The following LRRK1 variants were observed in gnomAD, a reference collection of about 807,000 sequenced individuals.
LRRK1 encodes the protein leucine rich repeat kinase 1.
In LRRK1, 113 loss-of-function variants were observed where a neutral mutation model predicts 209.1. That is an observed-to-expected ratio of 0.54 (90% CI 0.46 to 0.63). The LOEUF (loss-of-function observed/expected upper bound fraction) is 0.63. LRRK1 is among the 30% of genes least tolerant of loss of function. The pLI, the probability that LRRK1 is intolerant of heterozygous loss-of-function variation, is 0.00. For missense variants in LRRK1, 2,284 were observed against 2,632.2 expected (o/e 0.87, Z 2.89); for synonymous variants, 1,144 against 1,099.7 (o/e 1.04, Z -0.80).
chr15:100,987,723 G>A (rs779055214), intron 4 of LRRK1, among the ~76,000 whole-genome samples: 17 of 152,144 alleles, frequency 1.1e-4, no homozygotes, highest in Non-Finnish European at 1.8e-4. Flanking sequence ...GGAAGAATGA[G>A]TATTATTATT....
rs998158742 is a variant in LRRK1 at position 100,973,845 on chromosome 15, G to A, written c.139G>A (p.Asp47Asn). 2 of 1,294,288 alleles carry A rather than the reference G, an allele frequency of 1.5e-6. No individual in the cohort carries two copies. Among genetic ancestry groups the A allele is most frequent in the East Asian group, 3.1e-5 (1 of 31,960 alleles). The allele number at this position is 1,294,288 out of a possible 1,614,324, so 80.2% of individuals were successfully genotyped here. Reference protein sequence around the residue: ...TGGKPSTRGGDPAARSRRTEG... With the variant: ...TGGKPSTRGGNPAARSRRTEG... ...CGGCAAGCCGTCCACGCGGGGCGGTGACCCTGCAGCGCGGTCCCGCAGGAC... is the reference window on the plus strand; with the variant it reads ...CGGCAAGCCGTCCACGCGGGGCGGTAACCCTGCAGCGCGGTCCCGCAGGAC... Residue 47 changes from aspartate (D) to asparagine (N), a missense_variant, in exon 3 of 34, where the codon GAC becomes AAC. Asp to Asn is a conservative substitution (Grantham distance 23, BLOSUM62 1). Around this residue, in one of 6 missense-constraint regions of LRRK1, gnomAD observed 174 missense variants for 133.5 expected, o/e 1.30. Transcript: ENST00000388948.
intron 3 of LRRK1, among the ~76,000 whole-genome samples, chr15:100,983,096 G>A (rs2031692728): frequency 6.6e-6 from 1 of 152,146 alleles, no homozygotes; most frequent in Non-Finnish European, 1.5e-5. Flanking sequence ...GATCACTTTA[G>A]CCTGGGAGGT....
Position 101,066,182 on chromosome 15 carries a change from C to CA in LRRK1, c.5746dup (p.Arg1916LysfsTer60). 6.2e-7 allele frequency: 1 copy of CA among 1,610,910 alleles called. No homozygotes were observed. Among genetic ancestry groups the CA allele is most frequent in the Non-Finnish European group, 8.5e-7 (1 of 1,178,078 alleles). ...TGCAGGCCGTGAAGATCCTCGCCGT[C>CA]AGAGACCTCATTTGGGTCCCCAGGT... is the stretch of plus-strand genomic sequence containing the variant. On this transcript the variant is annotated frameshift_variant, in exon 32 of 34. Transcript: ENST00000388948. LOFTEE classifies it high-confidence loss of function.
chr15:100,928,344 T>C (rs1191410106), intron 2 of LRRK1, among the ~76,000 whole-genome samples: 1 of 152,196 alleles, frequency 6.6e-6, no homozygotes. Flanking sequence ...CCTCTGCACA[T>C]GTCCCCAGAG....
intron 2 of LRRK1, among the ~76,000 whole-genome samples, chr15:100,941,264 GTCTC>G (rs1350571821): frequency 1.7e-4 from 24 of 143,328 alleles, no homozygotes; most frequent in Non-Finnish European, 2.9e-4. Context: ...GTGTGTCTGT[GTCTC>G]TGTGTGTGTC....
At chr15:101,011,369 A>G (rs937672185) in intron 9 of LRRK1, among the ~76,000 whole-genome samples, 13 of 151,290 alleles carry the variant, frequency 8.6e-5, no homozygotes, top group Non-Finnish European at 1.6e-4. Flanking sequence ...CCAGCTACGC[A>G]GGAGGCTGAG....
At chr15:101,010,321 A>G (rs1245248471) in intron 7 of LRRK1, 129 bp from the exon 8 acceptor site, 2 of 952,538 alleles carry the variant, frequency 2.1e-6, no homozygotes, top group East Asian at 2.5e-5. Context: ...TACATTTTCA[A>G]TGCACACTCT....
At chr15:100,947,921 C>G (rs946454882) in intron 2 of LRRK1, among the ~76,000 whole-genome samples, 10 of 152,218 alleles carry the variant, frequency 6.6e-5, no homozygotes, top group African/African-American at 2.4e-4. Flanking sequence ...TGACCTTTGT[C>G]TGCACAGTGA....
chr15:101,054,873 G>T (rs542195826), intron 26 of LRRK1, 73 bp from the exon 27 acceptor site: 1 of 1,291,298 alleles, frequency 7.7e-7, no homozygotes, highest in East Asian at 2.3e-5. Flanking sequence ...CAAAAAGACA[G>T]TTGTTATCAT....
At chr15:100,935,898 G>A (rs964811690) in intron 2 of LRRK1, among the ~76,000 whole-genome samples, 3 of 152,110 alleles carry the variant, frequency 2.0e-5, no homozygotes, top group South Asian at 4.1e-4. Context: ...CTCATCCACC[G>A]CATGTCTAGC....
In LRRK1 at chr15:101,046,795, A is replaced by AC. The variant is rs573798916; in HGVS notation, c.3135+649dup. 1.1e-4 allele frequency among the ~76,000 whole-genome samples: 17 copies of AC among 152,022 alleles called. No individual in the cohort carries two copies. The South Asian group carries it at 3.1e-3, about 28-fold the overall frequency. ...TACGTTGGTTCTGGTAACACGGGAG[A>AC]CCCCCCGCCCAAGGAGTTAGCTTCT... is the stretch of plus-strand genomic sequence containing the variant. On this transcript the variant is annotated intron_variant, in intron 21 of 33. Transcript: ENST00000388948.
chr15:100,952,591 C>A (rs79710822), intron 2 of LRRK1, among the ~76,000 whole-genome samples: 10,478 of 152,038 alleles, frequency 0.069, 631 homozygotes, highest in African/African-American at 0.16. Flanking sequence ...ATTGATTAGC[C>A]CACTCTTCTT....
intron 20 of LRRK1, among the ~76,000 whole-genome samples, chr15:101,041,690 T>C (rs1227230762): frequency 6.6e-6 from 1 of 152,188 alleles, no homozygotes; most frequent in African/African-American, 2.4e-5. Flanking sequence ...GTCATCCACG[T>C]TTCTTCTATA....
At chr15:100,939,880 GT>G (rs1009359297) in intron 2 of LRRK1, among the ~76,000 whole-genome samples, 2 of 152,062 alleles carry the variant, frequency 1.3e-5, no homozygotes, top group Admixed American at 6.5e-5. Flanking sequence ...TGAAGGTGGG[GT>G]TTTTTTTCCT....
intron 9 of LRRK1, 43 bp downstream of exon 9, chr15:101,010,880 G>A: frequency 6.3e-7 from 1 of 1,579,340 alleles, no homozygotes; most frequent in Non-Finnish European, 8.6e-7. Context: ...AGTCAACTCT[G>A]CCTCTCAGCT....
intron 2 of LRRK1, among the ~76,000 whole-genome samples, chr15:100,973,100 CG>C (rs1216593164): frequency 3.9e-5 from 6 of 152,232 alleles, no homozygotes; most frequent in African/African-American, 1.2e-4. Flanking sequence ...AGCGAGGGCT[CG>C]GCCTGCCGTG....
chr15:100,939,255 A>G (rs1033578788), intron 2 of LRRK1, among the ~76,000 whole-genome samples: 9 of 151,920 alleles, frequency 5.9e-5, no homozygotes, highest in African/African-American at 2.2e-4. Context: ...CTTAATTTCT[A>G]TCTTTCTCCC....
rs770399874 is a variant in LRRK1, at chr15:101,039,132, A to G, written c.2964-6849A>G. ...TTTGCATTTTCATCTAAATTTTAGAATCAGCTTGTCTGATTCTTAAAAAAC... is the reference window on the plus strand; with the variant it reads ...TTTGCATTTTCATCTAAATTTTAGAGTCAGCTTGTCTGATTCTTAAAAAAC... On this transcript the variant is annotated intron_variant, in intron 20 of 33. Transcript: ENST00000388948. 5.3e-4 allele frequency among the ~76,000 whole-genome samples: 81 copies of G among 152,244 alleles called. 1 individual carries two copies. The highest frequency in any genetic ancestry group is 1.6e-4 in the Non-Finnish European group (11 of 68,038).
chr15:100,962,079 G>A (rs1186651962), intron 2 of LRRK1, among the ~76,000 whole-genome samples: 1 of 152,166 alleles, frequency 6.6e-6, no homozygotes, highest in East Asian at 1.9e-4. Context: ...CTTCAATATA[G>A]ATAATACCAC....
Sources: gnomAD v4.1 joint callset for allele counts (sites outside exome capture counted in the v4.1 genomes callset) on GRCh38, gnomAD v4.1.1 for gene constraint, gnomAD v4.1.1 regional missense constraint, MANE v1.5 for transcripts, NCBI Gene and HGNC (gene_info 2026-07-23, HGNC 2026-07-21) for gene names.